Variants in SEPTIN3 observed in about 807,000 individuals in gnomAD.
SEPTIN3 encodes the protein septin 3, also known as neuronal-specific septin-3.
Under a neutral mutation model 45.1 loss-of-function variants are expected in SEPTIN3, and 15 were observed. The observed-to-expected ratio is 0.33, with a 90% confidence interval of 0.22 to 0.51. The LOEUF is 0.51. Ranked by LOEUF, SEPTIN3 falls within the 20% of genes least tolerant of loss-of-function variation. The pLI is 0.97. For synonymous variants in SEPTIN3, 148 were observed against 164.8 expected (o/e 0.90, Z 0.78); for missense variants, 289 against 457.2 (o/e 0.63, Z 3.35).
intron 2 of SEPTIN3, among the ~76,000 whole-genome samples, chr22:41,978,946 A>G: frequency 7.1e-6 from 1 of 141,420 alleles, no homozygotes; most frequent in African/African-American, 2.6e-5. Flanking sequence ...CAGGGGTTGG[A>G]GGGGGAACAG....
At chr22:41,990,619 G>A (rs1312197321) in intron 7 of SEPTIN3, among the ~76,000 whole-genome samples, 2 of 151,094 alleles carry the variant, frequency 1.3e-5, no homozygotes, top group Non-Finnish European at 1.5e-5. Context: ...GGTGGCGGGT[G>A]CCTGTAGTCC....
intron 3 of SEPTIN3, among the ~76,000 whole-genome samples, chr22:41,983,892 T>C (rs1052065470): frequency 7.2e-5 from 11 of 152,226 alleles, no homozygotes; most frequent in African/African-American, 2.7e-4. Flanking sequence ...GTAAGGATCA[T>C]GTTTTGTTCA....
chr22:41,973,875 G>C (rs2077986352), intron 2 of SEPTIN3, among the ~76,000 whole-genome samples: 1 of 151,990 alleles, frequency 6.6e-6, no homozygotes, highest in Admixed American at 6.6e-5. Flanking sequence ...CAGCTACTTG[G>C]GAGGCTGAGG....
chr22:41,997,104 T>G lies in SEPTIN3; in HGVS notation c.*137T>G, dbSNP rs1381911578. The G allele has an allele frequency of 1.3e-6, 2 of 1,505,744 alleles. No individual in the cohort carries two copies. The highest frequency in any genetic ancestry group is 1.8e-6 in the Non-Finnish European group (2 of 1,124,086). 93.3% of individuals were successfully genotyped at this position (1,505,744 alleles called of 1,614,324 possible). A position where few individuals can be genotyped will look rare whatever the true frequency, so the allele number is the denominator to read the frequency against. ...CCCTCAGTAGGTGGGAGGGGCCAGCTGCCTCTTTAGGCCAGTTGCATCCTC... is the reference window on the plus strand; with the variant it reads ...CCCTCAGTAGGTGGGAGGGGCCAGCGGCCTCTTTAGGCCAGTTGCATCCTC... On this transcript the variant is annotated 3_prime_UTR_variant, in exon 12 of 12. Coordinates refer to ENST00000644076, the MANE Select transcript of SEPTIN3 (RefSeq NM_001363845.2).
At position 41,992,698 on chromosome 22, in the gene SEPTIN3, A is replaced by C; in HGVS notation, c.2294A>C (p.Asp765Ala). 1 of 1,611,622 alleles carries C rather than the reference A, an allele frequency of 6.2e-7. No individual in the cohort carries two copies. The highest frequency in any genetic ancestry group is 8.5e-7 in the Non-Finnish European group (1 of 1,178,908). ...ATGCCTTTTGCTGTGGTGGGAAGTG[A>C]CAAGGAGTACCAAGTGAATGGCAAG... ...ESMPFAVVGS[D>A]KEYQVNGKRV... is the part of the protein sequence containing the mutation. Residue 765 changes from aspartate to alanine, a missense_variant, in exon 9 of 12, where the codon GAC becomes GCC. By Grantham distance (126) the Asp-to-Ala change is moderately radical (BLOSUM62 -2). This residue lies in a region of SEPTIN3 where 84 missense variants were observed against 114.7 expected (regional missense o/e 0.73). Coordinates refer to ENST00000644076, the MANE Select transcript of SEPTIN3 (RefSeq NM_001363845.2).
Position 41,997,252 on chromosome 22 carries a change from C to A in SEPTIN3, c.*285C>A, listed in dbSNP as rs2078458411. 2.2e-6 allele frequency: 1 copy of A among 455,266 alleles called. No individual in the cohort carries two copies. Among genetic ancestry groups the A allele is most frequent in the South Asian group, 3.2e-5 (1 of 31,672 alleles). 28.2% of individuals were successfully genotyped at this position (455,266 alleles called of 1,614,324 possible). On this transcript the variant is annotated 3_prime_UTR_variant, in exon 12 of 12. Transcript: ENST00000644076. ...GGGTGAAAGAACTCATCAAGAGCTC[C>A]TTCTGCCCTTGTAAGCCCATCCCAG... is the stretch of plus-strand genomic sequence containing the variant.
chr22:41,973,100 G>A (rs2077975707), intron 2 of SEPTIN3, 104 bp downstream of exon 2: 2 of 397,588 alleles, frequency 5.0e-6, no homozygotes, highest in Admixed American at 4.4e-5. Flanking sequence ...ACGGAGGAAG[G>A]ACTCTAAGGT....
chr22:41,995,406 C>T (rs1287091043), intron 11 of SEPTIN3: 1 of 985,754 alleles, frequency 1.0e-6, no homozygotes, highest in East Asian at 1.1e-4. Context: ...TGTCACAAAG[C>T]TACCACCTGT....
chr22:41,981,840 C>T lies in SEPTIN3; in HGVS notation c.1696+4C>T, dbSNP rs140370259. On this transcript the variant is annotated splice_donor_region_variant and intron_variant, in intron 3 of 11. Coordinates refer to ENST00000644076, the MANE Select transcript of SEPTIN3 (RefSeq NM_001363845.2). ...GACTTCAACATCATGGTCGTTGGTA[C>T]GGAAGGCTGTGGGGCTGCTGCAGGC... is the stretch of plus-strand genomic sequence containing the variant. 4.3e-5 allele frequency: 69 copies of T among 1,612,210 alleles called. No individual in the cohort carries two copies. The East Asian group carries it at 6.7e-4, about 16-fold the overall frequency.
chr22:41,974,601 T>C (rs2077995889), intron 2 of SEPTIN3, among the ~76,000 whole-genome samples: 1 of 149,058 alleles, frequency 6.7e-6, no homozygotes, highest in African/African-American at 2.5e-5. Flanking sequence ...AGGCAGAGCT[T>C]GCAGTGAGCC....
chr22:41,990,352 C>A (rs940094802), intron 7 of SEPTIN3, among the ~76,000 whole-genome samples: 3 of 151,510 alleles, frequency 2.0e-5, no homozygotes, highest in African/African-American at 7.3e-5. Flanking sequence ...CCGTGCCCAG[C>A]CCTCACTGGC....
chr22:41,984,148 T>C (rs1258932807), intron 3 of SEPTIN3, among the ~76,000 whole-genome samples: 1 of 152,180 alleles, frequency 6.6e-6, no homozygotes, highest in East Asian at 1.9e-4. Flanking sequence ...GAATGAGAAA[T>C]GCACCTTATT....
chr22:41,996,242 C>T, intron 11 of SEPTIN3: 1 of 985,198 alleles, frequency 1.0e-6, no homozygotes, highest in Non-Finnish European at 1.2e-6. Context: ...TATATTTCCC[C>T]TGCTTGTTGT....
rs1276022812 is a variant in SEPTIN3 at position 41,987,753 on chromosome 22, G to A, written c.2039G>A (p.Gly680Glu). 1 of 1,613,222 alleles carries A rather than the reference G, an allele frequency of 6.2e-7. No individual in the cohort carries two copies. The highest frequency in any genetic ancestry group is 1.7e-5 in the Admixed American group (1 of 59,976). Residue 680 changes from glycine (G) to glutamate (E), a missense_variant, in exon 6 of 12, where the codon GGA becomes GAA. By Grantham distance (98) the Gly-to-Glu change is moderately conservative. Coordinates refer to ENST00000644076, the MANE Select transcript of SEPTIN3 (RefSeq NM_001363845.2). ...TGCCTTTACTTCATCTCTCCCACAG[G>A]ACACTCGTATGTACCAACCCTACCC... ...HCCLYFISPT[G>E]HSLRPLDLEF...
At chr22:41,981,900 TC>T (rs1569437739) in intron 3 of SEPTIN3, 64 bp downstream of exon 3, 1 of 1,433,248 alleles carries the variant, frequency 7.0e-7, no homozygotes, top group Non-Finnish European at 9.7e-7. Flanking sequence ...CCCATTTCTT[TC>T]CCCCAAATGG....
chr22:41,980,468 G>C (rs2146684161), intron 2 of SEPTIN3, among the ~76,000 whole-genome samples: 1 of 152,246 alleles, frequency 6.6e-6, no homozygotes, highest in Non-Finnish European at 1.5e-5. Flanking sequence ...CATGTCTCAT[G>C]AAAGCTCACC....
Position 41,972,024 on chromosome 22 carries a change from A to G in SEPTIN3, c.532A>G (p.Arg178Gly), listed in dbSNP as rs966204634. ...GAACCCAGGTCTGACCAAATCCAAC[A>G]GGATGCTTGCCACGGAGAAGCCCCT... ...PGNPGLTKSN[R>G]MLATEKPLVS... Residue 178 changes from arginine (R) to glycine (G), a missense_variant, in exon 2 of 12, where the codon AGG (arginine) becomes GGG (glycine). By Grantham distance (125) the Arg-to-Gly change is moderately radical. Coordinates refer to ENST00000644076, the MANE Select transcript of SEPTIN3 (RefSeq NM_001363845.2). The G allele has an allele frequency of 7.5e-6, 3 of 399,012 alleles. No individual in the cohort carries two copies. The highest frequency in any genetic ancestry group is 4.4e-5 in the Admixed American group (1 of 22,720). The allele number at this position is 399,012 out of a possible 1,614,324, so 24.7% of individuals were successfully genotyped here. A position where few individuals can be genotyped will look rare whatever the true frequency, so the allele number is the denominator to read the frequency against.
chr22:41,980,632 T>A (rs1165278200), intron 2 of SEPTIN3, among the ~76,000 whole-genome samples: 1 of 151,978 alleles, frequency 6.6e-6, no homozygotes. Flanking sequence ...GAAATGGAGG[T>A]GCTCTATTCT....
chr22:41,997,208 C>A lies in SEPTIN3; in HGVS notation c.*241C>A. The A allele has an allele frequency of 1.5e-6, 1 of 653,138 alleles. No individual in the cohort carries two copies. The highest frequency in any genetic ancestry group is 2.1e-5 in the South Asian group (1 of 46,898). 40.5% of individuals were successfully genotyped at this position (653,138 alleles called of 1,614,324 possible). A position where few individuals can be genotyped will look rare whatever the true frequency, so the allele number is the denominator to read the frequency against. On this transcript the variant is annotated 3_prime_UTR_variant, in exon 12 of 12. Coordinates refer to ENST00000644076, the MANE Select transcript of SEPTIN3 (RefSeq NM_001363845.2). ...GCCCTACTGCATCATCTGCGTCAGC[C>A]GGTCCTAGCCCATCTGCAGGGTGAA...
Sources: gnomAD v4.1 joint callset for allele counts (sites outside exome capture counted in the v4.1 genomes callset) on GRCh38, gnomAD v4.1.1 for gene constraint, gnomAD v4.1.1 regional missense constraint, MANE v1.5 for transcripts, NCBI Gene and HGNC (gene_info 2026-07-23, HGNC 2026-07-21) for gene names.